Variants in LYSMD3 observed in about 807,000 individuals in gnomAD.
LYSMD3 encodes the protein LysM domain containing 3.
Under a neutral mutation model 26.1 loss-of-function variants are expected in LYSMD3, and 13 were observed. The ratio of observed to expected loss-of-function variants is 0.50; its 90% CI spans 0.32 to 0.79. The LOEUF is 0.79. LYSMD3 is among the 30% of genes least tolerant of loss of function. LYSMD3 has a pLI of 0.03. For synonymous variants in LYSMD3, 109 were observed against 119.4 expected (o/e 0.91, Z 0.57); for missense variants, 331 against 362.5 (o/e 0.91, Z 0.71).
At chr5:90,520,231 T>C (rs1245967132) in intron 2 of LYSMD3, 5 of 356,974 alleles carry the variant, frequency 1.4e-5, no homozygotes, top group Non-Finnish European at 2.8e-5. Flanking sequence ...ATAACCTGTC[T>C]GTATATCCTA....
intron 2 of LYSMD3, 120 bp from the exon 3 acceptor site, chr5:90,519,604 G>A: frequency 2.1e-6 from 2 of 937,666 alleles, no homozygotes; most frequent in Non-Finnish European, 3.1e-6. Context: ...GTAGTATTAA[G>A]TTGCACCCAG....
intron 2 of LYSMD3, among the ~76,000 whole-genome samples, chr5:90,523,322 A>G (rs947471021): frequency 2.6e-5 from 4 of 151,950 alleles, no homozygotes; most frequent in Non-Finnish European, 4.4e-5. Flanking sequence ...AAATGTTTTG[A>G]TGAATTGTGA....
intron 2 of LYSMD3, 21 bp from the exon 3 acceptor site, chr5:90,519,505 C>G: frequency 8.2e-7 from 1 of 1,223,748 alleles, no homozygotes; most frequent in Non-Finnish European, 1.2e-6. Context: ...GAAAAAAAAG[C>G]AACATACAAC....
rs1393868541 is a variant in LYSMD3 at position 90,518,144 on chromosome 5, G to C, written c.*675C>G. The C allele has an allele frequency of 1.3e-5, 2 of 152,078 alleles. No individual in the cohort carries two copies. The highest frequency in any genetic ancestry group is 6.6e-5 in the Admixed American group (1 of 15,258). The allele number at this position is 152,078 out of a possible 1,614,324, so 9.4% of individuals were successfully genotyped here. On this transcript the variant is annotated 3_prime_UTR_variant, in exon 3 of 3. Transcript: ENST00000315948. Reference sequence around the variant, plus strand: ...GGTTAAAGGGTCTGTCCTAAAGAAAGCATTCTTAAGACAAAAATTACTGTC... The same window carrying C: ...GGTTAAAGGGTCTGTCCTAAAGAAACCATTCTTAAGACAAAAATTACTGTC...
At position 90,518,691 on chromosome 5, in the gene LYSMD3, C is replaced by G; in HGVS notation, c.*128G>C. 2 of 946,186 alleles carry G rather than the reference C, an allele frequency of 2.1e-6. No individual in the cohort carries two copies. The highest frequency in any genetic ancestry group is 5.7e-5 in the Admixed American group (2 of 35,322). The allele number at this position is 946,186 out of a possible 1,614,324, so 58.6% of individuals were successfully genotyped here. ...TCAAAAAATTTTCAAAGTGTGAAAC[C>G]CTTTTGTTAAAAACAAAAGCATCCT... On this transcript the variant is annotated 3_prime_UTR_variant, in exon 3 of 3. Coordinates refer to ENST00000315948, the MANE Select transcript of LYSMD3 (RefSeq NM_198273.2).
chr5:90,519,402 T>G lies in LYSMD3; in HGVS notation c.338A>C (p.Lys113Thr). Residue 113 changes from lysine (K) to threonine (T), a missense_variant, in exon 3 of 3, where the codon AAG becomes ACG. By Grantham distance (78) the Lys-to-Thr change is moderately conservative (BLOSUM62 -1). Around this residue, in one of 3 missense-constraint regions of LYSMD3, gnomAD observed 262 missense variants for 267.3 expected, o/e 0.98. Coordinates refer to ENST00000315948, the MANE Select transcript of LYSMD3 (RefSeq NM_198273.2). Reference protein sequence around the residue: ...ALRSIKIPVKKFSSLTETLCP... With the variant: ...ALRSIKIPVKTFSSLTETLCP... ...AAGTGTTTCGGTCAAGGAACTGAAC[T>G]TTTTTACTGGAATTTTGATAGACCT... 1 of 1,614,044 alleles carries G rather than the reference T, an allele frequency of 6.2e-7. No homozygotes were observed. The highest frequency in any genetic ancestry group is 1.1e-5 in the South Asian group (1 of 91,072).
chr5:90,529,443 T>G lies in LYSMD3; in HGVS notation c.-12+5A>C. The stretch of plus-strand genomic sequence containing the variant: ...GCTACCCTCACCTCCTGCCACCATC[T>G]TTACCTGTCCCCGTTAGCAGGGAGC... On this transcript the variant is annotated splice_donor_5th_base_variant and intron_variant, in intron 1 of 2. Transcript: ENST00000315948. 1 of 456,530 alleles carries G rather than the reference T, an allele frequency of 2.2e-6. No individual in the cohort carries two copies. Among genetic ancestry groups the G allele is most frequent in the South Asian group, 1.5e-5 (1 of 64,562 alleles). The allele number at this position is 456,530 out of a possible 1,614,324, so 28.3% of individuals were successfully genotyped here. A position where few individuals can be genotyped will look rare whatever the true frequency, so the allele number is the denominator to read the frequency against.
rs1490629647 is a variant in LYSMD3 at position 90,515,910 on chromosome 5, C to T, written c.*2909G>A. 6.6e-6 allele frequency: 1 copy of T among 152,090 alleles called. No homozygotes were observed. Among genetic ancestry groups the T allele is most frequent in the African/African-American group, 2.4e-5 (1 of 41,436 alleles). The allele number at this position is 152,090 out of a possible 1,614,324, so 9.4% of individuals were successfully genotyped here. A position where few individuals can be genotyped will look rare whatever the true frequency, so the allele number is the denominator to read the frequency against. Reference sequence around the variant, plus strand: ...TTTGTAATGCAAATTAAAAATGAATCCATCAGTGCACCATTTAAATACAGA... The same window carrying T: ...TTTGTAATGCAAATTAAAAATGAATTCATCAGTGCACCATTTAAATACAGA... On this transcript the variant is annotated 3_prime_UTR_variant, in exon 3 of 3. Coordinates refer to ENST00000315948, the MANE Select transcript of LYSMD3 (RefSeq NM_198273.2).
intron 1 of LYSMD3, among the ~76,000 whole-genome samples, chr5:90,528,259 T>C (rs998231671): frequency 1.3e-5 from 2 of 152,192 alleles, no homozygotes; most frequent in Non-Finnish European, 2.9e-5. Context: ...AAGGCATCCA[T>C]GATCAAAAAA....
rs1278349193 is a variant in LYSMD3 at position 90,516,662 on chromosome 5, TAG to T, written c.*2155_*2156del. 4 of 152,312 alleles carry T rather than the reference TAG, an allele frequency of 2.6e-5. No homozygotes were observed. The highest frequency in any genetic ancestry group is 2.6e-4 in the Admixed American group (4 of 15,264). The allele number at this position is 152,312 out of a possible 1,614,324, so 9.4% of individuals were successfully genotyped here. A position where few individuals can be genotyped will look rare whatever the true frequency, so the allele number is the denominator to read the frequency against. ...CATAATTCAATATGTAACCTTTATA[TAG>T]AATTATATGTAACTCAAATTATATT... is the stretch of plus-strand genomic sequence containing the variant. On this transcript the variant is annotated 3_prime_UTR_variant, in exon 3 of 3. Transcript: ENST00000315948.
At chr5:90,520,378 A>C (rs1753061566) in intron 2 of LYSMD3, 2 of 456,210 alleles carry the variant, frequency 4.4e-6, no homozygotes, top group Admixed American at 4.7e-5. Context: ...TTCATGTCAG[A>C]GAGATAAAGT....
At chr5:90,520,514 G>A (rs1753065297) in intron 2 of LYSMD3, 1 of 456,258 alleles carries the variant, frequency 2.2e-6, no homozygotes, top group Non-Finnish European at 4.4e-6. Context: ...CTGACTTGGA[G>A]CTGCTTGAGA....
Position 90,518,911 on chromosome 5 carries a change from C to T in LYSMD3, c.829G>A (p.Val277Met), listed in dbSNP as rs530700570. ...CTGAAATGTATTCCTTTAGTTGGCA[C>T]AATTCCATTTTCCATTTCTCTCTGC... ...SQQREMENGIVPTKGIHFSQQ... is the reference protein window; with the variant it reads ...SQQREMENGIMPTKGIHFSQQ... The change falls in exon 3 of 3, where the codon GTG (valine) becomes ATG (methionine). Residue 277 changes from valine (V) to methionine (M), a missense_variant. Physicochemically the swap from Val to Met is conservative, Grantham distance 21. Coordinates refer to ENST00000315948, the MANE Select transcript of LYSMD3 (RefSeq NM_198273.2). The T allele has an allele frequency of 6.2e-7, 1 of 1,614,002 alleles. No homozygotes were observed. The highest frequency in any genetic ancestry group is 1.3e-5 in the African/African-American group (1 of 75,014).
Position 90,519,370 on chromosome 5 carries a change from G to A in LYSMD3, c.370C>T (p.Pro124Ser), listed in dbSNP as rs1408836682. Residue 124 changes from proline to serine, a missense_variant, in exon 3 of 3, where the codon CCA (proline) becomes TCA (serine). Transcript: ENST00000315948. Reference protein sequence around the residue: ...FSSLTETLCPPKGRQTSRHSS... With the variant: ...FSSLTETLCPSKGRQTSRHSS... ...TGACGTGAAGTCTGTCTTCCTTTTGGAGGACAAAGTGTTTCGGTCAAGGAA... is the reference window on the plus strand; with the variant it reads ...TGACGTGAAGTCTGTCTTCCTTTTGAAGGACAAAGTGTTTCGGTCAAGGAA... 1.9e-6 allele frequency: 3 copies of A among 1,613,918 alleles called. No homozygotes were observed. Among genetic ancestry groups the A allele is most frequent in the African/African-American group, 1.3e-5 (1 of 74,876 alleles).
intron 2 of LYSMD3, among the ~76,000 whole-genome samples, chr5:90,520,860 A>G (rs1753072650): frequency 6.6e-6 from 1 of 152,040 alleles, no homozygotes; most frequent in Non-Finnish European, 1.5e-5. Flanking sequence ...TGGTGGTTAC[A>G]GTGAGCAGAG....
At chr5:90,520,884 A>T (rs1580231643) in intron 2 of LYSMD3, among the ~76,000 whole-genome samples, 1 of 151,596 alleles carries the variant, frequency 6.6e-6, no homozygotes, top group Admixed American at 6.6e-5. Flanking sequence ...GTGCCACTGC[A>T]CTCCAGCCTG....
In LYSMD3 at chr5:90,519,488, T is replaced by TG. The variant is rs747833305; in HGVS notation, c.256-5dup. The TG allele has an allele frequency of 2.5e-4, 385 of 1,545,868 alleles. No homozygotes were observed. Among genetic ancestry groups the TG allele is most frequent in the African/African-American group, 9.4e-4 (57 of 60,624 alleles). ...TAACTCTCTTGATATCTGCTACCTG[T>TG]GGGGGGGAAAAAAAAGCAACATACA... On this transcript the variant is annotated splice_polypyrimidine_tract_variant and splice_region_variant and intron_variant, in intron 2 of 2. Transcript: ENST00000315948.
Position 90,525,053 on chromosome 5 carries a change from G to T in LYSMD3, c.237C>A (p.Ala79=), listed in dbSNP as rs563272792. Residue 79 remains alanine (A), a synonymous_variant, in exon 2 of 3, where the codon GCC becomes GCA. Transcript: ENST00000315948. ...IQEGDTLNAI[A]LQYCCTVADI... is the part of the protein sequence containing the mutation. ...AACTTACCGTACAACAGTACTGAAG[G>T]GCTATTGCATTTAATGTATCTCCTT... 2.5e-6 allele frequency: 4 copies of T among 1,607,312 alleles called. No homozygotes were observed. The highest frequency in any genetic ancestry group is 3.4e-5 in the Admixed American group (2 of 59,594).
At chr5:90,521,913 GA>G (rs1753098249) in intron 2 of LYSMD3, among the ~76,000 whole-genome samples, 1 of 152,040 alleles carries the variant, frequency 6.6e-6, no homozygotes, top group Non-Finnish European at 1.5e-5. Context: ...TTTTTTAAAT[GA>G]TAGATCCTTT....
Sources: allele counts gnomAD v4.1 joint callset (sites outside exome capture counted in the v4.1 genomes callset), GRCh38; gene constraint gnomAD v4.1.1; regional missense constraint gnomAD v4.1.1; transcripts MANE v1.5; gene names NCBI Gene and HGNC (gene_info 2026-07-23, HGNC 2026-07-21).